The following CHCHD3 variants were observed in gnomAD, a reference collection of about 807,000 sequenced individuals.
The protein encoded by CHCHD3 is coiled-coil-helix-coiled-coil-helix domain containing 3.
CHCHD3 carries 20 observed loss-of-function variants against 38.2 expected under a neutral mutation model. The ratio of observed to expected loss-of-function variants is 0.52; its 90% confidence interval spans 0.37 to 0.76. The LOEUF (loss-of-function observed/expected upper bound fraction) is 0.76. CHCHD3 is among the 30% of genes least tolerant of loss of function. The pLI, the probability that CHCHD3 is intolerant of heterozygous loss-of-function variation, is 0.00. For synonymous variants in CHCHD3, 82 were observed against 100.0 expected, an observed-to-expected ratio of 0.82 and a Z score of 1.07; for missense variants, 245 against 279.2, an observed-to-expected ratio of 0.88 and a Z score of 0.87.
intron 5 of CHCHD3, among the ~76,000 whole-genome samples, chr7:132,842,391 C>G (rs560084631): frequency 2.0e-5 from 3 of 152,236 alleles, no homozygotes; most frequent in Non-Finnish European, 4.4e-5. Context: ...CTATCCTTCA[C>G]CTAGGTTCCC....
chr7:132,805,171 C>T (rs1397141910), intron 6 of CHCHD3, among the ~76,000 whole-genome samples: 1 of 152,152 alleles, frequency 6.6e-6, no homozygotes, highest in Non-Finnish European at 1.5e-5. Flanking sequence ...TAAATACTCC[C>T]CCAAGAAACT....
Position 132,909,691 on chromosome 7 carries a change from C to T in CHCHD3, c.370-23946G>A, listed in dbSNP as rs56913400. 5.2e-3 allele frequency among the ~76,000 whole-genome samples: 787 copies of T among 152,320 alleles called. 8 individuals are homozygous for T. The highest frequency in any genetic ancestry group is 0.018 in the African/African-American group (758 of 41,560). ...GAAGTGAAAGGGATTGGCACAGTTA[C>T]ACAGCCAATAAGTGGTCAAGATGAT... On this transcript the variant is annotated intron_variant, in intron 4 of 7. Transcript: ENST00000262570.
intron 6 of CHCHD3, among the ~76,000 whole-genome samples, chr7:132,824,560 T>C (rs1247973652): frequency 1.3e-5 from 2 of 152,082 alleles, no homozygotes; most frequent in African/African-American, 4.8e-5. Flanking sequence ...GTGATCTGCC[T>C]GCCTCGGCCT....
In CHCHD3 at chr7:132,798,918, G is replaced by T. The variant is rs78496528; in HGVS notation, c.525-2341C>A. Among the ~76,000 whole-genome samples, 479 of 152,044 alleles carry T rather than the reference G, an allele frequency of 3.2e-3. 3 individuals carry two copies. The highest frequency in any genetic ancestry group is 0.011 in the African/African-American group (446 of 41,456). On this transcript the variant is annotated intron_variant, in intron 6 of 7. Transcript: ENST00000262570. Reference sequence around the variant, plus strand: ...AAGTTAAAGTCCATGCGTTATTTATGATTTGAAATGTGTCAAAATATACTT... The same window carrying T: ...AAGTTAAAGTCCATGCGTTATTTATTATTTGAAATGTGTCAAAATATACTT...
intron 4 of CHCHD3, among the ~76,000 whole-genome samples, chr7:132,899,346 G>C (rs1374334666): frequency 6.6e-6 from 1 of 152,184 alleles, no homozygotes; most frequent in Non-Finnish European, 1.5e-5. Context: ...CAGGCTGATG[G>C]GGAGCCCCAG....
At chr7:133,037,920 T>C (rs1813724713) in intron 2 of CHCHD3, among the ~76,000 whole-genome samples, 1 of 152,226 alleles carries the variant, frequency 6.6e-6, no homozygotes. Context: ...TTATACTTCG[T>C]TGCAGTGTTT....
chr7:133,069,915 CA>C lies in CHCHD3; in HGVS notation c.169+226del, dbSNP rs1419326488. Among the ~76,000 whole-genome samples, 4 of 152,158 alleles carry C rather than the reference CA, an allele frequency of 2.6e-5. No individual in the cohort carries two copies. In the East Asian group the frequency reaches 7.7e-4, roughly 29 times the overall value. The stretch of plus-strand genomic sequence containing the variant: ...ACTTTCCAAAGCCTAGTAGAGGATT[CA>C]AGAGTGGGAAGAGAAAACAAAATTT... On this transcript the variant is annotated intron_variant, in intron 2 of 7. Coordinates refer to ENST00000262570, the MANE Select transcript of CHCHD3 (RefSeq NM_017812.4).
intron 4 of CHCHD3, among the ~76,000 whole-genome samples, chr7:132,899,570 C>T (rs1554384623): frequency 1.3e-5 from 2 of 152,206 alleles, no homozygotes; most frequent in Non-Finnish European, 2.9e-5. Flanking sequence ...ATGAGGTTTA[C>T]ATGTGTTTGT....
intron 5 of CHCHD3, among the ~76,000 whole-genome samples, chr7:132,872,437 G>T (rs1337493234): frequency 2.6e-5 from 4 of 152,120 alleles, no homozygotes; most frequent in African/African-American, 9.7e-5. Flanking sequence ...GGCTGATTTG[G>T]CTTCGCTTGT....
intron 2 of CHCHD3, among the ~76,000 whole-genome samples, chr7:133,040,541 C>A (rs2117479552): frequency 6.6e-6 from 1 of 152,188 alleles, no homozygotes; most frequent in African/African-American, 2.4e-5. Context: ...GTTTTATACA[C>A]CCCTCTATAT....
At chr7:132,800,390 G>A (rs377089840) in intron 6 of CHCHD3, among the ~76,000 whole-genome samples, 28 of 152,236 alleles carry the variant, frequency 1.8e-4, no homozygotes, top group Admixed American at 2.6e-4. Flanking sequence ...AGTTACACTC[G>A]GTTATCTGTT....
intron 5 of CHCHD3, among the ~76,000 whole-genome samples, chr7:132,879,716 TAAAAAAAAAAAA>T (rs56259114): frequency 6.5e-4 from 25 of 38,430 alleles, no homozygotes; most frequent in South Asian, 1.8e-3. Context: ...TTGTCAAAAG[TAAAAAAAAAAAA>T]AAAAAAAAAA....
chr7:133,033,178 T>C (rs964611775), intron 2 of CHCHD3, among the ~76,000 whole-genome samples: 6 of 152,254 alleles, frequency 3.9e-5, no homozygotes, highest in Non-Finnish European at 1.5e-5. Context: ...GCAAAAGCTA[T>C]TGTTACACAG....
intron 4 of CHCHD3, among the ~76,000 whole-genome samples, chr7:132,967,607 G>A (rs958226405): frequency 1.5e-4 from 23 of 150,610 alleles, no homozygotes; most frequent in Admixed American, 8.6e-4. Context: ...CCTGGGCAAC[G>A]TGGCAAAATG....
rs145176899 is a variant in CHCHD3, at chr7:132,957,307, G to A, written c.369+17862C>T. On this transcript the variant is annotated intron_variant, in intron 4 of 7. Coordinates refer to ENST00000262570, the MANE Select transcript of CHCHD3 (RefSeq NM_017812.4). Reference sequence around the variant, plus strand: ...CAAGGTAAGTTGACCCCATCTACTCGAAAGGTGCCCAGAAAAGGGTCCAAT... The same window carrying A: ...CAAGGTAAGTTGACCCCATCTACTCAAAAGGTGCCCAGAAAAGGGTCCAAT... Among the ~76,000 whole-genome samples the A allele has an allele frequency of 1.7e-3, 252 of 152,214 alleles. 1 individual carries two copies. Among genetic ancestry groups the A allele is most frequent in the South Asian group, 6.6e-3 (32 of 4,814 alleles).
chr7:132,847,341 C>T (rs1410217573), intron 5 of CHCHD3: 1 of 152,184 alleles, frequency 6.6e-6, no homozygotes, highest in Non-Finnish European at 1.5e-5. Flanking sequence ...ATTGTACCTG[C>T]CACAGAGAGC....
chr7:132,913,996 G>A (rs1486594730), intron 4 of CHCHD3, among the ~76,000 whole-genome samples: 1 of 139,052 alleles, frequency 7.2e-6, no homozygotes, highest in Non-Finnish European at 1.5e-5. Context: ...CTATTGCCCA[G>A]GCTTCCAGGC....
chr7:132,885,946 C>T (rs908323132), intron 4 of CHCHD3, among the ~76,000 whole-genome samples: 8 of 151,950 alleles, frequency 5.3e-5, no homozygotes, highest in East Asian at 3.9e-4. Context: ...TTTTTTTTCC[C>T]GCTGTAACAG....
chr7:132,820,619 T>G (rs974783576), intron 6 of CHCHD3, among the ~76,000 whole-genome samples: 6 of 150,118 alleles, frequency 4.0e-5, no homozygotes, highest in Non-Finnish European at 7.4e-5. Flanking sequence ...GTGTTTTTTT[T>G]TTTTTTTTTT....
Sources: allele counts gnomAD v4.1 joint callset (sites outside exome capture counted in the v4.1 genomes callset), GRCh38; gene constraint gnomAD v4.1.1; transcripts MANE v1.5; gene names NCBI Gene and HGNC (gene_info 2026-07-23, HGNC 2026-07-21).